ADGRA3: variants seen among roughly 807,000 people sequenced by gnomAD.
ADGRA3 encodes the protein G-protein coupled receptor 125.
Under a neutral mutation model 119.8 loss-of-function variants are expected in ADGRA3, and 56 were observed. The observed-to-expected ratio is 0.47, with a 90% CI of 0.38 to 0.58. ADGRA3 has a LOEUF of 0.58. ADGRA3 is among the 20% of genes least tolerant of loss of function. ADGRA3 has a pLI of 0.00. For missense variants in ADGRA3, 1,516 were observed against 1,649.0 expected (o/e 0.92, Z 1.40); for synonymous variants, 607 against 623.8 (o/e 0.97, Z 0.40).
At chr4:22,400,824 T>C (rs1029827113) in intron 16 of ADGRA3, among the ~76,000 whole-genome samples, 3 of 152,178 alleles carry the variant, frequency 2.0e-5, no homozygotes, top group Non-Finnish European at 4.4e-5. Flanking sequence ...ATTACTACGT[T>C]ATACTTCTTG....
intron 4 of ADGRA3, among the ~76,000 whole-genome samples, chr4:22,454,026 A>G (rs904745386): frequency 5.9e-5 from 9 of 151,918 alleles, no homozygotes; most frequent in African/African-American, 2.2e-4. Context: ...ACGCCCAGCT[A>G]ATTTTTGTAT....
chr4:22,397,753 G>A (rs561328306), intron 16 of ADGRA3, among the ~76,000 whole-genome samples: 6 of 152,158 alleles, frequency 3.9e-5, no homozygotes, highest in African/African-American at 7.2e-5. Flanking sequence ...CTGCACATGC[G>A]CTCTCTTGCC....
At chr4:22,512,464 A>C (rs1417364819) in intron 1 of ADGRA3, among the ~76,000 whole-genome samples, 2 of 152,206 alleles carry the variant, frequency 1.3e-5, no homozygotes, top group South Asian at 2.1e-4. Context: ...GAAATGTCCA[A>C]GTCCTGACCT....
chr4:22,388,972 A>T (rs1713985834), intron 18 of ADGRA3, 25 bp from the exon 19 acceptor site: 1 of 1,610,464 alleles, frequency 6.2e-7, no homozygotes, highest in Non-Finnish European at 8.5e-7. Flanking sequence ...GGTAAACCAG[A>T]TCGATGCTAC....
intron 6 of ADGRA3, among the ~76,000 whole-genome samples, chr4:22,443,991 T>G (rs868322951): frequency 6.6e-6 from 1 of 152,212 alleles, no homozygotes; most frequent in Non-Finnish European, 1.5e-5. Context: ...GGACTGTTTT[T>G]GTTTTATGGG....
chr4:22,425,137 T>C (rs574591671), intron 10 of ADGRA3, among the ~76,000 whole-genome samples: 2 of 151,938 alleles, frequency 1.3e-5, no homozygotes, highest in East Asian at 3.9e-4. Context: ...CTGCTCATAT[T>C]CAACAATGCA....
chr4:22,413,682 G>T lies in ADGRA3; in HGVS notation c.1942C>A (p.Pro648Thr). The T allele has an allele frequency of 6.2e-7, 1 of 1,613,992 alleles. No homozygotes were observed. The highest frequency in any genetic ancestry group is 1.3e-5 in the African/African-American group (1 of 75,028). ...AAATTTGTTGAATTTCCAGTGGCTG[G>T]AAAAAGCTTTCCATTGCGGAATGCA... ...LIAFRNGKLF[P>T]ATGNSTNLAD... is the part of the protein sequence containing the mutation. The change falls in exon 13 of 19, where the codon CCA (proline) becomes ACA (threonine). Residue 648 changes from proline to threonine, a missense_variant. Transcript: ENST00000334304.
At chr4:22,389,326 G>T (rs1445607213) in intron 17 of ADGRA3, 143 bp from the exon 18 acceptor site, 4 of 655,292 alleles carry the variant, frequency 6.1e-6, no homozygotes, top group African/African-American at 1.8e-5. Context: ...GTTAAGTTGG[G>T]AGGCTGATTT....
chr4:22,511,350 G>T lies in ADGRA3; in HGVS notation c.257+4178C>A, dbSNP rs368070054. Among the ~76,000 whole-genome samples the T allele has an allele frequency of 5.9e-5, 9 of 152,152 alleles. No individual in the cohort carries two copies. In the East Asian group the frequency reaches 1.5e-3, roughly 26 times the overall value. On this transcript the variant is annotated intron_variant, in intron 1 of 18. Transcript: ENST00000334304. ...CAATTTCTGTGTTATAATAATAGAA[G>T]CGGTTTAATCCCTCAATACAAAAGT...
In ADGRA3 at chr4:22,436,367, A is replaced by C. The variant is rs920720820; in HGVS notation, c.1287+73T>G. On this transcript the variant is annotated intron_variant, in intron 9 of 18. Coordinates refer to ENST00000334304, the MANE Select transcript of ADGRA3 (RefSeq NM_145290.4). ...TTTTGCCTAGTATTAAAAAAAAAAA[A>C]AAAACTTATGTATTTGGTTTGAATA... 2.4e-6 allele frequency: 3 copies of C among 1,230,726 alleles called. No individual in the cohort carries two copies. In the East Asian group the frequency reaches 7.3e-5, roughly 30 times the overall value. The allele number at this position is 1,230,726 out of a possible 1,614,324, so 76.2% of individuals were successfully genotyped here.
At chr4:22,390,334 AT>A (rs1714064073) in intron 17 of ADGRA3, among the ~76,000 whole-genome samples, 1 of 123,732 alleles carries the variant, frequency 8.1e-6, no homozygotes, top group Non-Finnish European at 1.6e-5. Context: ...ATATATATAT[AT>A]ATAAAATACA....
intron 3 of ADGRA3, among the ~76,000 whole-genome samples, chr4:22,460,747 C>A (rs1717413832): frequency 6.6e-6 from 1 of 152,104 alleles, no homozygotes; most frequent in Non-Finnish European, 1.5e-5. Context: ...TGTTAGAGGT[C>A]CAAGCTGAGA....
At chr4:22,420,823 G>T in intron 12 of ADGRA3, 63 bp downstream of exon 12, 1 of 1,483,482 alleles carries the variant, frequency 6.7e-7, no homozygotes. Flanking sequence ...TTGCGAAGCA[G>T]AACATTTGGA....
intron 14 of ADGRA3, among the ~76,000 whole-genome samples, chr4:22,404,163 T>C (rs756206741): frequency 2.0e-5 from 3 of 152,120 alleles, no homozygotes; most frequent in Non-Finnish European, 2.9e-5. Flanking sequence ...AAGTGACTAC[T>C]GAATAAGCGA....
At chr4:22,446,785 T>C (rs1352898966) in intron 5 of ADGRA3, among the ~76,000 whole-genome samples, 2 of 152,138 alleles carry the variant, frequency 1.3e-5, no homozygotes, top group Non-Finnish European at 2.9e-5. Context: ...TGAACAACAT[T>C]ATATTTAACT....
Position 22,401,582 on chromosome 4 carries a change from T to C in ADGRA3, c.2358-28A>G, listed in dbSNP as rs185079208. The C allele has an allele frequency of 4.5e-6, 7 of 1,570,424 alleles. No homozygotes were observed. In the East Asian group the frequency reaches 6.8e-5, roughly 15 times the overall value. On this transcript the variant is annotated intron_variant, in intron 15 of 18. Coordinates refer to ENST00000334304, the MANE Select transcript of ADGRA3 (RefSeq NM_145290.4). ...GTTTAAAAAAGAGAGAAAATATTAATATTCAGGCTAGTACATAAGGAGAAA... is the reference window on the plus strand; with the variant it reads ...GTTTAAAAAAGAGAGAAAATATTAACATTCAGGCTAGTACATAAGGAGAAA...
intron 12 of ADGRA3, among the ~76,000 whole-genome samples, chr4:22,417,809 C>G (rs554688007): frequency 1.3e-5 from 2 of 152,134 alleles, no homozygotes; most frequent in African/African-American, 4.8e-5. Flanking sequence ...AGGAATTTCA[C>G]CAAGCAGGGA....
chr4:22,430,641 C>G (rs1048650812), intron 10 of ADGRA3, among the ~76,000 whole-genome samples: 1 of 151,640 alleles, frequency 6.6e-6, no homozygotes, highest in Non-Finnish European at 1.5e-5. Context: ...AAAATTTGCA[C>G]CTTGACAATG....
chr4:22,454,933 G>A lies in ADGRA3; in HGVS notation c.406C>T (p.Leu136=). 1 of 1,612,310 alleles carries A rather than the reference G, an allele frequency of 6.2e-7. No individual in the cohort carries two copies. The highest frequency in any genetic ancestry group is 1.7e-5 in the Admixed American group (1 of 60,012). The change falls in exon 4 of 19, where the codon CTG becomes TTG. Residue 136 remains leucine (L), a synonymous_variant. Transcript: ENST00000334304. ...WGLSSLKRLD[L]TNNRIGCLNA... is the part of the protein sequence containing the mutation. Reference sequence around the variant, plus strand: ...AGACATCCTATTCGATTGTTTGTCAGATCCCTAAGGAGAAGGGTGGAAAAG... The same window carrying A: ...AGACATCCTATTCGATTGTTTGTCAAATCCCTAAGGAGAAGGGTGGAAAAG...
Sources: gnomAD v4.1 joint callset for allele counts (sites outside exome capture counted in the v4.1 genomes callset) on GRCh38, gnomAD v4.1.1 for gene constraint, MANE v1.5 for transcripts, NCBI Gene and HGNC (gene_info 2026-07-23, HGNC 2026-07-21) for gene names.